METTL3: variants seen among roughly 807,000 people sequenced by gnomAD.
METTL3 encodes the protein methyltransferase 3, N6-adenosine-methyltransferase complex catalytic subunit.
Under a neutral mutation model 64.3 loss-of-function variants are expected in METTL3, and 42 were observed. That is an observed-to-expected ratio of 0.65 (90% CI 0.51 to 0.84). The LOEUF (loss-of-function observed/expected upper bound fraction) is 0.84. Ranked by LOEUF, METTL3 falls within the 40% of genes least tolerant of loss-of-function variation. The pLI is 0.00. For missense variants in METTL3, 435 were observed against 722.3 expected (o/e 0.60, Z 4.56); for synonymous variants, 256 against 263.6 (o/e 0.97, Z 0.28).
intron 1 of METTL3, chr14:21,510,525 C>T (rs1310546177): frequency 1.3e-5 from 2 of 152,146 alleles, no homozygotes; most frequent in Non-Finnish European, 1.5e-5. Context: ...GATCGTGACA[C>T]GGGGGCAACA....
chr14:21,508,665 C>A (rs1000769783), intron 1 of METTL3, among the ~76,000 whole-genome samples: 1 of 151,506 alleles, frequency 6.6e-6, no homozygotes, highest in African/African-American at 2.4e-5. Context: ...GAAACTGAGG[C>A]GGGCAGATCA....
chr14:21,508,698 C>T (rs929552313), intron 1 of METTL3, among the ~76,000 whole-genome samples: 7 of 152,010 alleles, frequency 4.6e-5, no homozygotes, highest in Admixed American at 3.9e-4. Context: ...AGTTTGAGAC[C>T]AGCCTGACCA....
At position 21,511,121 on chromosome 14, in the gene METTL3, C is replaced by T; in HGVS notation, c.100+3G>A. 6.2e-7 allele frequency: 1 copy of T among 1,613,934 alleles called. No homozygotes were observed. Among genetic ancestry groups the T allele is most frequent in the Middle Eastern group, 1.6e-4 (1 of 6,062 alleles). On this transcript the variant is annotated splice_donor_region_variant and intron_variant, in intron 1 of 10. Coordinates refer to ENST00000298717, the MANE Select transcript of METTL3 (RefSeq NM_019852.5). ...CCTCGGCCCCAACAGCCCAGTGCCT[C>T]ACCCAAGTGCCCCGAGTCCTGCTTC...
In METTL3 at chr14:21,500,354, A is replaced by ACT. The variant is rs1566491130; in HGVS notation, c.1304+139_1304+140dup. 2.1e-5 allele frequency: 16 copies of ACT among 744,578 alleles called. No individual in the cohort carries two copies. The Admixed American group carries it at 3.9e-4, about 18-fold the overall frequency. The allele number at this position is 744,578 out of a possible 1,614,324, so 46.1% of individuals were successfully genotyped here. A position where few individuals can be genotyped will look rare whatever the true frequency, so the allele number is the denominator to read the frequency against. ...ACTCCAGCCTAAGCAACACAGTGAG[A>ACT]CTCTCTCAAAAAAAAAGAAAAAAAG... is the stretch of plus-strand genomic sequence containing the variant. On this transcript the variant is annotated intron_variant, in intron 6 of 10. Coordinates refer to ENST00000298717, the MANE Select transcript of METTL3 (RefSeq NM_019852.5).
chr14:21,507,178 T>G (rs1353740283), intron 1 of METTL3, among the ~76,000 whole-genome samples: 1 of 150,222 alleles, frequency 6.7e-6, no homozygotes, highest in Non-Finnish European at 1.5e-5. Context: ...CGAAACTCTG[T>G]CTCAAAAAAT....
intron 4 of METTL3, chr14:21,501,374 G>A: frequency 1.8e-6 from 1 of 562,156 alleles, no homozygotes; most frequent in Non-Finnish European, 3.1e-6. Context: ...AAGCAGTGCA[G>A]GAGACTTGGG....
Position 21,511,027 on chromosome 14 carries a change from G to A in METTL3, c.100+97C>T, listed in dbSNP as rs190987037. 4.3e-3 allele frequency: 5,969 copies of A among 1,388,912 alleles called. 35 individuals carry two copies. The highest frequency in any genetic ancestry group is 4.3e-3 in the Non-Finnish European group (4,447 of 1,033,866). The allele number at this position is 1,388,912 out of a possible 1,614,324, so 86.0% of individuals were successfully genotyped here. A position where few individuals can be genotyped will look rare whatever the true frequency, so the allele number is the denominator to read the frequency against. On this transcript the variant is annotated intron_variant, in intron 1 of 10. Transcript: ENST00000298717. ...CAATGTACGAGGCTTTATAGAAATG[G>A]CCGTTTGGTAAAGGGCAGTGACTCT...
intron 1 of METTL3, among the ~76,000 whole-genome samples, chr14:21,508,888 C>G (rs1025962586): frequency 1.7e-4 from 26 of 152,170 alleles, no homozygotes; most frequent in Admixed American, 5.2e-4. Context: ...GAGCGAAACT[C>G]CATCTCAAAA....
chr14:21,499,670 A>T (rs1389702692), intron 7 of METTL3, 70 bp from the exon 8 acceptor site: 2 of 1,581,252 alleles, frequency 1.3e-6, no homozygotes, highest in Non-Finnish European at 1.7e-6. Context: ...CCATTTATAG[A>T]AGCAAGGAAT....
At position 21,500,356 on chromosome 14, in the gene METTL3, T is replaced by A. The variant is rs897089678; in HGVS notation, c.1304+139A>T. On this transcript the variant is annotated intron_variant, in intron 6 of 10. Coordinates refer to ENST00000298717, the MANE Select transcript of METTL3 (RefSeq NM_019852.5). Reference sequence around the variant, plus strand: ...TCCAGCCTAAGCAACACAGTGAGACTCTCTCAAAAAAAAAGAAAAAAAGAC... The same window carrying A: ...TCCAGCCTAAGCAACACAGTGAGACACTCTCAAAAAAAAAGAAAAAAAGAC... 19 of 749,754 alleles carry A rather than the reference T, an allele frequency of 2.5e-5. No homozygotes were observed. The African/African-American group carries it at 3.7e-4, about 15-fold the overall frequency. The allele number at this position is 749,754 out of a possible 1,614,324, so 46.4% of individuals were successfully genotyped here.
chr14:21,500,385 A>G, intron 6 of METTL3, 110 bp downstream of exon 6: 1 of 1,086,384 alleles, frequency 9.2e-7, no homozygotes, highest in East Asian at 2.4e-5. Context: ...AAAAGACTAA[A>G]TCAGTCATAC....
rs3838362 is a variant in METTL3, at chr14:21,500,361, C to CA, written c.1304+133dup. 5.0e-3 allele frequency: 4,359 copies of CA among 872,136 alleles called. 12 individuals carry two copies. The highest frequency in any genetic ancestry group is 7.1e-3 in the Middle Eastern group (20 of 2,806). The allele number at this position is 872,136 out of a possible 1,614,324, so 54.0% of individuals were successfully genotyped here. A position where few individuals can be genotyped will look rare whatever the true frequency, so the allele number is the denominator to read the frequency against. ...CCTAAGCAACACAGTGAGACTCTCT[C>CA]AAAAAAAAAGAAAAAAAGACTAAAT... On this transcript the variant is annotated intron_variant, in intron 6 of 10. Coordinates refer to ENST00000298717, the MANE Select transcript of METTL3 (RefSeq NM_019852.5).
chr14:21,504,049 T>G (rs1181768257), intron 1 of METTL3, 168 bp from the exon 2 acceptor site: 1 of 611,668 alleles, frequency 1.6e-6, no homozygotes, highest in African/African-American at 1.9e-5. Flanking sequence ...TACTAAAACA[T>G]TCACTGCTTT....
At chr14:21,511,080 G>A in intron 1 of METTL3, 44 bp downstream of exon 1, 1 of 1,602,864 alleles carries the variant, frequency 6.2e-7, no homozygotes, top group Non-Finnish European at 8.5e-7. Context: ...GATCCCGCCC[G>A]TCCTCCCCGG....
At position 21,503,165 on chromosome 14, in the gene METTL3, A is replaced by G. The variant is rs1323723270; in HGVS notation, c.723+8T>C. 19 of 1,599,704 alleles carry G rather than the reference A, an allele frequency of 1.2e-5. No homozygotes were observed. The highest frequency in any genetic ancestry group is 1.5e-5 in the Non-Finnish European group (18 of 1,173,302). ...CATATTGTGAGAGTATTTTCACATG[A>G]CCCCTACCTTCTTGCTCTGTTGTTC... On this transcript the variant is annotated splice_region_variant and intron_variant, in intron 3 of 10. Transcript: ENST00000298717.
Position 21,503,340 on chromosome 14 carries a change from T to C in METTL3, c.556A>G (p.Thr186Ala). The part of the protein sequence containing the change: ...QKRRAEQDST[T>A]VAAFASSLVS... Reference sequence around the variant, plus strand: ...AACGAACTGGCAAAGGCAGCTACTGTAGTCGAGTCCTGTTCTGCACGCCGC... The same window carrying C: ...AACGAACTGGCAAAGGCAGCTACTGCAGTCGAGTCCTGTTCTGCACGCCGC... The change falls in exon 3 of 11, where the codon ACA (threonine) becomes GCA (alanine). Residue 186 changes from threonine to alanine, a missense_variant. Transcript: ENST00000298717. 5.6e-6 allele frequency: 9 copies of C among 1,614,174 alleles called. No individual in the cohort carries two copies. The South Asian group carries it at 9.9e-5, about 18-fold the overall frequency.
At chr14:21,504,099 T>C (rs1379759560) in intron 1 of METTL3, 3 of 542,606 alleles carry the variant, frequency 5.5e-6, no homozygotes, top group South Asian at 2.2e-5. Flanking sequence ...CTTTTCTCTA[T>C]TGAGTGAGTA....
intron 1 of METTL3, chr14:21,508,057 C>T (rs2139650521): frequency 6.6e-6 from 1 of 152,302 alleles, no homozygotes; most frequent in African/African-American, 2.4e-5. Context: ...GAGTCCAAGA[C>T]CAGCCTGGGC....
chr14:21,500,841 T>C (rs759161561), intron 5 of METTL3, 72 bp downstream of exon 5: 127 of 1,485,828 alleles, frequency 8.5e-5, no homozygotes, highest in Non-Finnish European at 1.2e-4. Flanking sequence ...TGCTCTGCTT[T>C]CTTAACGTGT....
Sources: allele counts gnomAD v4.1 joint callset (sites outside exome capture counted in the v4.1 genomes callset), GRCh38; gene constraint gnomAD v4.1.1; transcripts MANE v1.5; gene names NCBI Gene and HGNC (gene_info 2026-07-23, HGNC 2026-07-21).